Variants in TRPM8 observed in about 807,000 individuals in gnomAD.
TRPM8 encodes transient receptor potential cation channel subfamily M member 8, also known as TRPM8 cationic channel.
Under a neutral mutation model 133.7 loss-of-function variants are expected in TRPM8, and 110 were observed. That is an observed-to-expected ratio of 0.82 (90% CI 0.70 to 0.96). The LOEUF (loss-of-function observed/expected upper bound fraction) is 0.96. Ranked by LOEUF, TRPM8 falls within the 40% of genes least tolerant of loss-of-function variation. The pLI is 0.00. For missense variants in TRPM8, 1,291 were observed against 1,379.5 expected (o/e 0.94, Z 1.02); for synonymous variants, 535 against 532.3 (o/e 1.01, Z -0.07).
At chr2:233,985,957 CT>C (rs1016213098) in intron 21 of TRPM8, 92 bp downstream of exon 21, 2 of 1,213,900 alleles carry the variant, frequency 1.6e-6, no homozygotes, top group Non-Finnish European at 2.3e-6. Context: ...AGGTCCCACC[CT>C]TGAGGAACAT....
Position 233,953,914 on chromosome 2 carries a change from C to T in TRPM8, c.1141-3C>T. 6.2e-7 allele frequency: 1 copy of T among 1,609,382 alleles called. No individual in the cohort carries two copies. Among genetic ancestry groups the T allele is most frequent in the Non-Finnish European group, 8.5e-7 (1 of 1,178,228 alleles). On this transcript the variant is annotated splice_region_variant and splice_polypyrimidine_tract_variant and intron_variant, in intron 9 of 25. Transcript: ENST00000324695. ...CTGACACTTTGTTCTTTAATTTCGC[C>T]AGCTCAAAGAAATTCTCGAATGTTC...
At chr2:233,946,069 A>T in intron 7 of TRPM8, 39 bp downstream of exon 7, 1 of 1,581,578 alleles carries the variant, frequency 6.3e-7, no homozygotes, top group Non-Finnish European at 8.6e-7. Flanking sequence ...AGTGTACAAT[A>T]ACCACAGCAG....
chr2:233,996,718 G>A (rs1035598041), intron 22 of TRPM8, among the ~76,000 whole-genome samples: 3 of 152,120 alleles, frequency 2.0e-5, no homozygotes. Context: ...TAGATCTGCC[G>A]GGATAGCCTG....
At chr2:233,987,426 A>G (rs1455589908) in intron 21 of TRPM8, among the ~76,000 whole-genome samples, 2 of 152,258 alleles carry the variant, frequency 1.3e-5, no homozygotes, top group African/African-American at 2.4e-5. Context: ...ACAATTGTCA[A>G]ATAGAGCCCT....
chr2:233,966,374 T>C (rs1173583548), intron 14 of TRPM8, among the ~76,000 whole-genome samples: 1 of 152,152 alleles, frequency 6.6e-6, no homozygotes, highest in Non-Finnish European at 1.5e-5. Context: ...CTCAATCCAG[T>C]GAGCAGTTAT....
intron 8 of TRPM8, among the ~76,000 whole-genome samples, chr2:233,949,363 C>T (rs555091013): frequency 1.5e-3 from 224 of 152,316 alleles, no homozygotes; most frequent in Non-Finnish European, 2.5e-3. Flanking sequence ...CCTCTGCTGT[C>T]CTCTGCAGTT....
At chr2:233,959,758 C>T (rs1356478620) in intron 11 of TRPM8, among the ~76,000 whole-genome samples, 1 of 151,966 alleles carries the variant, frequency 6.6e-6, no homozygotes, top group Admixed American at 6.6e-5. Flanking sequence ...GGCCTGTAGT[C>T]CACTGGGTTG....
At chr2:233,969,633 A>G in intron 15 of TRPM8, 62 bp from the exon 16 acceptor site, 2 of 989,764 alleles carry the variant, frequency 2.0e-6, no homozygotes, top group Non-Finnish European at 3.2e-6. Context: ...GAAAGTTTGC[A>G]TGGCATCCTG....
intron 5 of TRPM8, among the ~76,000 whole-genome samples, 190 bp from the exon 6 acceptor site, chr2:233,942,386 G>A (rs1192694773): frequency 6.6e-6 from 1 of 152,162 alleles, no homozygotes; most frequent in Non-Finnish European, 1.5e-5. Context: ...CCAAGGATCT[G>A]TATTTTTAAG....
chr2:233,964,813 C>A (rs545950586), intron 14 of TRPM8, 56 bp downstream of exon 14: 5 of 1,529,998 alleles, frequency 3.3e-6, no homozygotes, highest in Middle Eastern at 1.8e-4. Context: ...GTGGCACAGA[C>A]ATTGCCAGCG....
intron 22 of TRPM8, among the ~76,000 whole-genome samples, chr2:234,004,173 G>A (rs1373904995): frequency 6.6e-6 from 1 of 152,176 alleles, no homozygotes; most frequent in African/African-American, 2.4e-5. Flanking sequence ...AATAACCAGA[G>A]AAATGGTGTG....
intron 21 of TRPM8, among the ~76,000 whole-genome samples, chr2:233,993,647 T>C (rs1692336219): frequency 6.6e-6 from 1 of 152,172 alleles, no homozygotes. Flanking sequence ...GACATGTTTT[T>C]CCCTGACTCC....
Position 233,942,609 on chromosome 2 carries a change from GC to G in TRPM8, c.562del (p.Leu188Ter). Reference sequence around the variant, plus strand: ...ATTCTCACGGGAGGCACCCATTATGGCCTGATGAAGTACATCGGGGAGGTGG... The same window carrying G: ...ATTCTCACGGGAGGCACCCATTATGGCTGATGAAGTACATCGGGGAGGTGG... ...AWILTGGTHY[G>X]LMKYIGEVVR... On this transcript the variant is annotated frameshift_variant, in exon 6 of 26. Coordinates refer to ENST00000324695, the MANE Select transcript of TRPM8 (RefSeq NM_024080.5). LOFTEE classifies it high-confidence loss of function. 1.2e-6 allele frequency: 2 copies of G among 1,614,192 alleles called. No homozygotes were observed. Among genetic ancestry groups the G allele is most frequent in the Non-Finnish European group, 1.7e-6 (2 of 1,180,038 alleles).
intron 9 of TRPM8, among the ~76,000 whole-genome samples, chr2:233,952,637 T>C (rs761337883): frequency 4.6e-5 from 7 of 151,460 alleles, no homozygotes; most frequent in Non-Finnish European, 5.9e-5. Context: ...TCAAGTGTAA[T>C]GGGATATCAT....
At chr2:233,938,819 C>T (rs1254791889) in intron 4 of TRPM8, among the ~76,000 whole-genome samples, 179 bp from the exon 5 acceptor site, 1 of 152,150 alleles carries the variant, frequency 6.6e-6, no homozygotes, top group Non-Finnish European at 1.5e-5. Context: ...CTTCCACTTC[C>T]TCATGGGGCC....
chr2:233,940,958 C>T (rs1690891422), intron 5 of TRPM8, among the ~76,000 whole-genome samples: 1 of 152,128 alleles, frequency 6.6e-6, no homozygotes, highest in African/African-American at 2.4e-5. Context: ...CATGGCTCGT[C>T]ATAGGACACC....
intron 5 of TRPM8, among the ~76,000 whole-genome samples, chr2:233,942,148 C>T (rs1020684846): frequency 1.4e-5 from 2 of 140,392 alleles, no homozygotes; most frequent in South Asian, 2.3e-4. Flanking sequence ...GGCATGATCT[C>T]GGCTCACTGC....
In TRPM8 at chr2:233,985,797, C is replaced by G; in HGVS notation, c.2871C>G (p.Ile957Met). 6.2e-7 allele frequency: 1 copy of G among 1,614,206 alleles called. No homozygotes were observed. The highest frequency in any genetic ancestry group is 8.5e-7 in the Non-Finnish European group (1 of 1,180,034). Residue 957 changes from isoleucine (I) to methionine (M), a missense_variant, in exon 21 of 26, where the codon ATC becomes ATG. Physicochemically the swap from Ile to Met is conservative, Grantham distance 10 (BLOSUM62 1). Transcript: ENST00000324695. The stretch of plus-strand genomic sequence containing the variant: ...CCCGGTTCCCCGAGTGGATCACCAT[C>G]CCCCTGGTGTGCATCTACATGTTAT... ...NLPRFPEWITIPLVCIYMLST... is the reference protein window; with the variant it reads ...NLPRFPEWITMPLVCIYMLST...
chr2:233,932,555 G>A lies in TRPM8; in HGVS notation c.191+1814G>A, dbSNP rs17864745. On this transcript the variant is annotated intron_variant, in intron 3 of 25. Transcript: ENST00000324695. ...ATGATTCCTCAAGGAAAATCAGGGC[G>A]CACTTACTAGTGGAAGGGGAAGTAG... Among the ~76,000 whole-genome samples, 74 of 152,206 alleles carry A rather than the reference G, an allele frequency of 4.9e-4. 1 individual carries two copies. The highest frequency in any genetic ancestry group is 1.2e-3 in the South Asian group (6 of 4,816).
Sources: gnomAD v4.1 joint callset for allele counts (sites outside exome capture counted in the v4.1 genomes callset) on GRCh38, gnomAD v4.1.1 for gene constraint, MANE v1.5 for transcripts, NCBI Gene and HGNC (gene_info 2026-07-23, HGNC 2026-07-21) for gene names.